The following SCML4 variants were observed in gnomAD, a reference collection of about 807,000 sequenced individuals.
SCML4 encodes sex comb on midleg-like protein 4.
A neutral mutation model predicts 41.1 loss-of-function variants in SCML4; 34 were observed. That is an observed-to-expected ratio of 0.83 (90% confidence interval 0.63 to 1.10). The LOEUF is 1.10. Among genes scored for constraint, SCML4 ranks in the 50% least tolerant of loss-of-function variants. The pLI, the probability that SCML4 is intolerant of heterozygous loss-of-function variation, is 0.00. For synonymous variants in SCML4, 214 were observed against 220.9 expected (o/e 0.97, Z 0.28); for missense variants, 522 against 534.1 (o/e 0.98, Z 0.22).
intron 1 of SCML4, among the ~76,000 whole-genome samples, chr6:107,791,831 G>A (rs1782354795): frequency 6.6e-6 from 1 of 152,082 alleles, no homozygotes; most frequent in East Asian, 1.9e-4. Context: ...GCTCGTGCCT[G>A]TAATCCCAGT....
intron 1 of SCML4, among the ~76,000 whole-genome samples, chr6:107,811,418 C>G (rs1340000330): frequency 6.6e-6 from 1 of 152,170 alleles, no homozygotes; most frequent in East Asian, 1.9e-4. Flanking sequence ...TCTGAATCAG[C>G]CTACCCCTAC....
intron 2 of SCML4, among the ~76,000 whole-genome samples, chr6:107,762,276 TTAAATAA>T (rs2114542899): frequency 6.6e-6 from 1 of 151,224 alleles, no homozygotes; most frequent in East Asian, 1.9e-4. Flanking sequence ...AAAGAAAAAA[TTAAATAA>T]TAAAAAATAA....
the SCML4 span, among the ~76,000 whole-genome samples, chr6:107,829,380 C>T: frequency 6.6e-6 from 1 of 151,664 alleles, no homozygotes; most frequent in Non-Finnish European, 1.5e-5. Flanking sequence ...AGAGCAAGAT[C>T]CTGCCTCAAA....
intron 7 of SCML4, among the ~76,000 whole-genome samples, chr6:107,707,569 T>G (rs1475893480): frequency 6.6e-6 from 1 of 152,168 alleles, no homozygotes; most frequent in Non-Finnish European, 1.5e-5. Flanking sequence ...GAATGTTTGT[T>G]GCATTCACAG....
intron 5 of SCML4, among the ~76,000 whole-genome samples, chr6:107,724,379 C>T (rs779915907): frequency 6.6e-6 from 1 of 152,058 alleles, no homozygotes; most frequent in South Asian, 2.1e-4. Context: ...CTTATGTGTA[C>T]GAAATCCTAA....
chr6:107,760,895 C>A (rs78584450), intron 2 of SCML4, among the ~76,000 whole-genome samples: 9 of 14,002 alleles, frequency 6.4e-4, no homozygotes, highest in Admixed American at 4.9e-3. Context: ...ATTTAAAAAA[C>A]ACAGTAAATT....
chr6:107,751,238 T>C (rs1778592435), intron 2 of SCML4, among the ~76,000 whole-genome samples: 1 of 152,188 alleles, frequency 6.6e-6, no homozygotes, highest in Admixed American at 6.5e-5. Context: ...GCATGAGAAG[T>C]GCAATTGAGT....
intron 5 of SCML4, among the ~76,000 whole-genome samples, chr6:107,731,479 C>T (rs1403904607): frequency 6.6e-6 from 1 of 152,226 alleles, no homozygotes; most frequent in Non-Finnish European, 1.5e-5. Context: ...GTCTTTCTCT[C>T]TCTCTCTCAC....
rs189934554 is a variant in SCML4, at chr6:107,765,455, A to G, written c.156+6717T>C. 3.7e-3 allele frequency among the ~76,000 whole-genome samples: 563 copies of G among 152,276 alleles called. 3 individuals carry two copies. Among genetic ancestry groups the G allele is most frequent in the East Asian group, 0.014 (74 of 5,184 alleles). On this transcript the variant is annotated intron_variant, in intron 2 of 7. Coordinates refer to ENST00000369020, the MANE Select transcript of SCML4 (RefSeq NM_198081.5). ...ATGAGGCAGAGGTTGCAGTGAGCTGAGATTGCGCCATTGCACTCCAGCCTG... is the reference window on the plus strand; with the variant it reads ...ATGAGGCAGAGGTTGCAGTGAGCTGGGATTGCGCCATTGCACTCCAGCCTG...
At chr6:107,817,150 CA>C (rs2114296329) in intron 1 of SCML4, among the ~76,000 whole-genome samples, 1 of 152,124 alleles carries the variant, frequency 6.6e-6, no homozygotes, top group Admixed American at 6.5e-5. Flanking sequence ...GTCATAAAAA[CA>C]ATGACCTAGC....
chr6:107,708,642 G>GT (rs1015286106), intron 6 of SCML4, among the ~76,000 whole-genome samples: 5 of 152,176 alleles, frequency 3.3e-5, no homozygotes, highest in African/African-American at 1.2e-4. Context: ...TACACATTGA[G>GT]TCCTTGCACG....
chr6:107,745,835 T>C (rs1227382215), intron 4 of SCML4: 2 of 151,854 alleles, frequency 1.3e-5, no homozygotes, highest in Non-Finnish European at 1.5e-5. Context: ...TACAAAAAAT[T>C]GTAAAAAATT....
chr6:107,784,915 G>T (rs1056508058), intron 1 of SCML4, among the ~76,000 whole-genome samples: 2 of 151,450 alleles, frequency 1.3e-5, no homozygotes, highest in Non-Finnish European at 2.9e-5. Flanking sequence ...ATTTCAGTGG[G>T]TGTTTATGGC....
chr6:107,790,817 C>G (rs1428183407), intron 1 of SCML4, among the ~76,000 whole-genome samples: 1 of 152,166 alleles, frequency 6.6e-6, no homozygotes, highest in African/African-American at 2.4e-5. Flanking sequence ...TGTCTGTAAT[C>G]CCAGCACTTT....
intron 1 of SCML4, among the ~76,000 whole-genome samples, chr6:107,789,092 G>A (rs1782122700): frequency 6.6e-6 from 1 of 152,154 alleles, no homozygotes; most frequent in African/African-American, 2.4e-5. Context: ...TCCCTCAGTG[G>A]CCACTCTTAC....
intron 5 of SCML4, among the ~76,000 whole-genome samples, chr6:107,742,302 CA>C (rs1315317882): frequency 1.1e-4 from 16 of 152,058 alleles, no homozygotes; most frequent in African/African-American, 3.4e-4. Context: ...AAAATTACCT[CA>C]AAAGACAAAA....
At chr6:107,720,605 T>C (rs1775282845) in intron 6 of SCML4, 98 bp downstream of exon 6, 1 of 1,448,424 alleles carries the variant, frequency 6.9e-7, no homozygotes, top group Non-Finnish European at 9.1e-7. Flanking sequence ...CAGTCCCACG[T>C]TTAAACAGCC....
chr6:107,813,354 C>T (rs1195035195), intron 1 of SCML4, among the ~76,000 whole-genome samples: 16 of 125,144 alleles, frequency 1.3e-4, no homozygotes, highest in African/African-American at 4.2e-4. Context: ...CAGAGTGAGA[C>T]GCCATCTCAA....
chr6:107,826,562 G>C (rs1455069821), upstream of SCML4, among the ~76,000 whole-genome samples: 1 of 152,128 alleles, frequency 6.6e-6, no homozygotes. Flanking sequence ...GAAGTAAAAG[G>C]GTTGGCAGAA....
Sources: gnomAD v4.1 joint callset for allele counts (sites outside exome capture counted in the v4.1 genomes callset) on GRCh38, gnomAD v4.1.1 for gene constraint, MANE v1.5 for transcripts, NCBI Gene and HGNC (gene_info 2026-07-23, HGNC 2026-07-21) for gene names.